ADAMTS12: variants seen among roughly 807,000 people sequenced by gnomAD.
ADAMTS12 encodes ADAM metallopeptidase with thrombospondin type 1 motif 12.
Under a neutral mutation model 167.8 loss-of-function variants are expected in ADAMTS12, and 118 were observed. The observed-to-expected ratio is 0.70, with a 90% CI of 0.61 to 0.82. The LOEUF (loss-of-function observed/expected upper bound fraction) is 0.82, where lower values mean the gene tolerates loss of function less well. ADAMTS12 is among the 40% of genes least tolerant of loss of function. ADAMTS12 has a pLI of 0.00. For synonymous variants in ADAMTS12, 704 were observed against 716.9 expected (o/e 0.98, Z 0.29); for missense variants, 1,916 against 1,998.8 (o/e 0.96, Z 0.79).
chr5:33,787,057 G>GA (rs2112450870), intron 2 of ADAMTS12, among the ~76,000 whole-genome samples: 1 of 152,254 alleles, frequency 6.6e-6, no homozygotes, highest in South Asian at 2.1e-4. Flanking sequence ...CTCTATGGCT[G>GA]AAAAGTCCTT....
intron 2 of ADAMTS12, among the ~76,000 whole-genome samples, chr5:33,875,199 C>T (rs1202381549): frequency 6.6e-6 from 1 of 152,094 alleles, no homozygotes; most frequent in Non-Finnish European, 1.5e-5. Context: ...AGGTGGAGCA[C>T]AGAAAATTCT....
At position 33,814,296 on chromosome 5, in the gene ADAMTS12, C is replaced by A. The variant is rs529175269; in HGVS notation, c.490-62748G>T. 1.3e-3 allele frequency among the ~76,000 whole-genome samples: 196 copies of A among 152,246 alleles called. 1 individual carries two copies. Among genetic ancestry groups the A allele is most frequent in the African/African-American group, 4.5e-3 (189 of 41,544 alleles). On this transcript the variant is annotated intron_variant, in intron 2 of 23. Coordinates refer to ENST00000504830, the MANE Select transcript of ADAMTS12 (RefSeq NM_030955.4). ...GATATGAGATAGAGGTTGAGATTTACTTTTTTTCCATATAGATATCTAATT... is the reference window on the plus strand; with the variant it reads ...GATATGAGATAGAGGTTGAGATTTAATTTTTTTCCATATAGATATCTAATT...
intron 8 of ADAMTS12, 92 bp from the exon 9 acceptor site, chr5:33,649,058 CT>C: frequency 1.5e-5 from 22 of 1,478,178 alleles, no homozygotes; most frequent in Non-Finnish European, 2.0e-5. Context: ...CTGGTTTACT[CT>C]TTGTCCTTTA....
At position 33,747,284 on chromosome 5, in the gene ADAMTS12, CA is replaced by C. The variant is rs201040144; in HGVS notation, c.634+4119del. ...ACTATTCATTGAGAATCTATAGCCA[CA>C]AGCCATAGATTTAGGGCCCATAGAT... is the stretch of plus-strand genomic sequence containing the variant. On this transcript the variant is annotated intron_variant, in intron 3 of 23. Coordinates refer to ENST00000504830, the MANE Select transcript of ADAMTS12 (RefSeq NM_030955.4). 4.2e-3 allele frequency among the ~76,000 whole-genome samples: 639 copies of C among 152,252 alleles called. 6 individuals carry two copies. The highest frequency in any genetic ancestry group is 0.015 in the African/African-American group (610 of 41,538).
At chr5:33,826,018 G>A (rs1446648340) in intron 2 of ADAMTS12, among the ~76,000 whole-genome samples, 2 of 152,050 alleles carry the variant, frequency 1.3e-5, no homozygotes, top group South Asian at 2.1e-4. Flanking sequence ...TTGAACAGGC[G>A]GTACACATCA....
intron 19 of ADAMTS12, among the ~76,000 whole-genome samples, chr5:33,562,626 T>G (rs1460426569): frequency 1.3e-5 from 2 of 150,722 alleles, no homozygotes; most frequent in African/African-American, 2.4e-5. Flanking sequence ...AACTTCACTC[T>G]CCATATAATT....
At chr5:33,717,558 G>C (rs1197192896) in intron 3 of ADAMTS12, among the ~76,000 whole-genome samples, 1 of 152,110 alleles carries the variant, frequency 6.6e-6, no homozygotes, top group Non-Finnish European at 1.5e-5. Context: ...TGAAACAGCC[G>C]ATTTGGCTCT....
chr5:33,680,887 A>G (rs965613971), intron 5 of ADAMTS12, among the ~76,000 whole-genome samples: 1 of 152,208 alleles, frequency 6.6e-6, no homozygotes, highest in African/African-American at 2.4e-5. Flanking sequence ...GCCAACCAAT[A>G]AAACCATCTT....
intron 3 of ADAMTS12, among the ~76,000 whole-genome samples, chr5:33,718,022 T>C (rs908502979): frequency 2.0e-5 from 3 of 152,254 alleles, no homozygotes; most frequent in Non-Finnish European, 4.4e-5. Flanking sequence ...CCTAACATTT[T>C]AAATTGCGCT....
intron 2 of ADAMTS12, among the ~76,000 whole-genome samples, chr5:33,844,481 T>A (rs1363388548): frequency 6.6e-6 from 1 of 152,148 alleles, no homozygotes; most frequent in African/African-American, 2.4e-5. Flanking sequence ...ACTGTAGGGA[T>A]GAAATAAGTC....
rs180766679 is a variant in ADAMTS12, at chr5:33,805,816, A to G, written c.490-54268T>C. Among the ~76,000 whole-genome samples, 10 of 151,970 alleles carry G rather than the reference A, an allele frequency of 6.6e-5. No individual in the cohort carries two copies. In the East Asian group the frequency reaches 1.4e-3, roughly 21 times the overall value. On this transcript the variant is annotated intron_variant, in intron 2 of 23. Transcript: ENST00000504830. Reference sequence around the variant, plus strand: ...GGTGGGAGGATAGCTTGAGCCCAGGAGTTCGAGGTTACAGTGAGCTGTGAT... The same window carrying G: ...GGTGGGAGGATAGCTTGAGCCCAGGGGTTCGAGGTTACAGTGAGCTGTGAT...
chr5:33,879,557 C>T (rs1750353900), intron 2 of ADAMTS12, among the ~76,000 whole-genome samples: 1 of 152,062 alleles, frequency 6.6e-6, no homozygotes, highest in African/African-American at 2.4e-5. Flanking sequence ...CAATGAAGCC[C>T]CTGATGAGGC....
chr5:33,633,723 T>A (rs1740064360), intron 12 of ADAMTS12, among the ~76,000 whole-genome samples: 1 of 151,886 alleles, frequency 6.6e-6, no homozygotes, highest in African/African-American at 2.4e-5. Flanking sequence ...GAGGCAAGGG[T>A]GGTAATGGAT....
chr5:33,647,034 A>T (rs1740694868), intron 9 of ADAMTS12, among the ~76,000 whole-genome samples: 1 of 152,172 alleles, frequency 6.6e-6, no homozygotes, highest in Non-Finnish European at 1.5e-5. Context: ...AAGATACATG[A>T]TATAAAATAC....
intron 2 of ADAMTS12, among the ~76,000 whole-genome samples, chr5:33,822,015 T>C (rs1561290532): frequency 6.6e-6 from 1 of 152,180 alleles, no homozygotes; most frequent in Non-Finnish European, 1.5e-5. Flanking sequence ...CAAGTCACAT[T>C]CTGTTTTGTT....
At chr5:33,774,648 T>C (rs537111771) in intron 2 of ADAMTS12, among the ~76,000 whole-genome samples, 16 of 141,916 alleles carry the variant, frequency 1.1e-4, no homozygotes, top group African/African-American at 4.6e-4. Context: ...ATTATTTTTG[T>C]CCAGTAGAAT....
At chr5:33,566,122 A>T (rs1177274331) in intron 19 of ADAMTS12, among the ~76,000 whole-genome samples, 1 of 152,214 alleles carries the variant, frequency 6.6e-6, no homozygotes, top group Non-Finnish European at 1.5e-5. Context: ...ATTCAAATTT[A>T]ACAGTTGATT....
At chr5:33,786,121 A>C (rs1433927453) in intron 2 of ADAMTS12, among the ~76,000 whole-genome samples, 1 of 152,258 alleles carries the variant, frequency 6.6e-6, no homozygotes, top group Non-Finnish European at 1.5e-5. Context: ...ATCTAATGAA[A>C]GACAAACAAG....
At chr5:33,726,734 T>C (rs1743995183) in intron 3 of ADAMTS12, among the ~76,000 whole-genome samples, 1 of 152,086 alleles carries the variant, frequency 6.6e-6, no homozygotes, top group East Asian at 1.9e-4. Flanking sequence ...GTTAACATAT[T>C]AGATTGCAGT....
Sources: allele counts gnomAD v4.1 joint callset (sites outside exome capture counted in the v4.1 genomes callset), GRCh38; gene constraint gnomAD v4.1.1; transcripts MANE v1.5; gene names NCBI Gene and HGNC (gene_info 2026-07-23, HGNC 2026-07-21).